The following KANK2 variants were observed in gnomAD, a reference collection of about 807,000 sequenced individuals.
KANK2 encodes KN motif and ankyrin repeat domain-containing protein 2.
A neutral mutation model predicts 74.6 loss-of-function variants in KANK2; 41 were observed. The observed-to-expected ratio is 0.55, with a 90% CI of 0.43 to 0.71. The LOEUF (loss-of-function observed/expected upper bound fraction) is 0.71, where lower values mean the gene tolerates loss of function less well. Among genes scored for constraint, KANK2 ranks in the 30% least tolerant of loss-of-function variants. The probability of loss-of-function intolerance (pLI) is 0.00; values close to 1 mark genes in which losing one functional copy is unlikely to be tolerated. For synonymous variants in KANK2, 537 were observed against 519.0 expected (o/e 1.03, Z -0.47); for missense variants, 1,148 against 1,196.4 (o/e 0.96, Z 0.60).
chr19:11,174,069 G>A (rs544894793), intron 9 of KANK2, among the ~76,000 whole-genome samples: 11 of 150,474 alleles, frequency 7.3e-5, no homozygotes, highest in African/African-American at 2.7e-4. Context: ...TCAGACTGGG[G>A]AGGCAGCATC....
chr19:11,176,860 AT>A (rs2078356769), intron 6 of KANK2, 43 bp from the exon 7 acceptor site: 1 of 1,484,200 alleles, frequency 6.7e-7, no homozygotes, highest in Non-Finnish European at 8.9e-7. Context: ...TGCAGGTGGG[AT>A]GAGAAATGGT....
rs761812391 is a variant in KANK2, at chr19:11,174,600, C to T, written c.1941G>A (p.Thr647=). ...HPELVRRHLV[T]FRAMSARLLD... ...GCAGCCGCGCAGACATGGCCCGGAA[C>T]GTGACCAGGTGCCGCCGCACCAGCT... The change falls in exon 9 of 13, where the codon ACG becomes ACA. Residue 647 remains threonine (T), a synonymous_variant. Coordinates refer to ENST00000586659, the MANE Select transcript of KANK2 (RefSeq NM_001136191.3). 3.9e-5 allele frequency: 63 copies of T among 1,612,912 alleles called. No homozygotes were observed. The highest frequency in any genetic ancestry group is 1.7e-4 in the Admixed American group (10 of 59,950).
In KANK2 at chr19:11,193,320, C is replaced by A. The variant is rs765252532; in HGVS notation, c.760G>T (p.Asp254Tyr). The A allele has an allele frequency of 9.9e-6, 16 of 1,612,672 alleles. No individual in the cohort carries two copies. The highest frequency in any genetic ancestry group is 1.4e-5 in the Non-Finnish European group (16 of 1,179,934). ...AGTGCCACTGGGTCCTCTGGGGGAT[C>A]GGGGAGGTCCAGGCAGAGCTCGCTG... ...GRSELCLDLP[D>Y]PPEDPVALET... The change falls in exon 4 of 13, where the codon GAT becomes TAT. Residue 254 changes from aspartate (D) to tyrosine (Y), a missense_variant. Coordinates refer to ENST00000586659, the MANE Select transcript of KANK2 (RefSeq NM_001136191.3). The surrounding 1 kb of genome is among the most constrained non-coding windows in gnomAD (Gnocchi z 9.6).
At chr19:11,184,212 CTGAT>C (rs2078610840) in intron 4 of KANK2, among the ~76,000 whole-genome samples, 11 of 150,218 alleles carry the variant, frequency 7.3e-5, no homozygotes, top group South Asian at 2.1e-4. Flanking sequence ...CCAGTCTCTA[CTGAT>C]AATACAAAAA....
intron 4 of KANK2, among the ~76,000 whole-genome samples, chr19:11,184,387 CA>C (rs1568649238): frequency 6.7e-6 from 1 of 149,880 alleles, no homozygotes; most frequent in Non-Finnish European, 1.5e-5. Context: ...AAAACAAAAA[CA>C]AAAACAAAAA....
intron 4 of KANK2, among the ~76,000 whole-genome samples, chr19:11,188,556 C>T (rs536918519): frequency 2.0e-5 from 3 of 149,326 alleles, no homozygotes; most frequent in Admixed American, 1.3e-4. Flanking sequence ...TGCGGTAGCT[C>T]ATTCCAGTTT....
chr19:11,191,404 G>A (rs1188464025), intron 4 of KANK2, among the ~76,000 whole-genome samples: 1 of 152,194 alleles, frequency 6.6e-6, no homozygotes, highest in Admixed American at 6.6e-5. Context: ...CCCAGCAGCT[G>A]ACATTCTGCA....
Position 11,183,859 on chromosome 19 carries a change from G to T in KANK2, c.1250-5139C>A, listed in dbSNP as rs144313769. Among the ~76,000 whole-genome samples, 27 of 152,018 alleles carry T rather than the reference G, an allele frequency of 1.8e-4. 1 individual carries two copies. The highest frequency in any genetic ancestry group is 1.0e-3 in the South Asian group (5 of 4,800). On this transcript the variant is annotated intron_variant, in intron 4 of 12. Transcript: ENST00000586659. ...GTAGAGATGGGGTTTCACTATGTTGGCAAGGCTGGTCTTGAACTCCTGGCC... is the reference window on the plus strand; with the variant it reads ...GTAGAGATGGGGTTTCACTATGTTGTCAAGGCTGGTCTTGAACTCCTGGCC...
intron 4 of KANK2, among the ~76,000 whole-genome samples, chr19:11,189,103 C>CT (rs1382499370): frequency 7.4e-6 from 1 of 134,238 alleles, no homozygotes. Context: ...TTCTCTCCCC[C>CT]CCCACCCCCG....
In KANK2 at chr19:11,177,174, C is replaced by G. The variant is rs181252348; in HGVS notation, c.1521-357G>C. ...ACAGTGGCACTCACTGCAAACTCTG[C>G]CTCCTGGGTTCAAGCAATTCTTCTG... On this transcript the variant is annotated intron_variant, in intron 6 of 12. Transcript: ENST00000586659. Among the ~76,000 whole-genome samples, 356 of 141,930 alleles carry G rather than the reference C, an allele frequency of 2.5e-3. 5 individuals carry two copies. Among genetic ancestry groups the G allele is most frequent in the African/African-American group, 9.3e-3 (350 of 37,810 alleles). The allele number at this position is 141,930 out of a possible 152,430, so 93.1% of individuals were successfully genotyped here. A position where few individuals can be genotyped will look rare whatever the true frequency, so the allele number is the denominator to read the frequency against.
chr19:11,174,844 G>A, intron 8 of KANK2, 152 bp from the exon 9 acceptor site: 3 of 651,814 alleles, frequency 4.6e-6, no homozygotes, highest in Non-Finnish European at 8.1e-6. Flanking sequence ...GGGAAGTGTA[G>A]ACATCTCTGT....
intron 4 of KANK2, among the ~76,000 whole-genome samples, chr19:11,187,765 A>AT (rs1298820595): frequency 6.6e-6 from 1 of 152,118 alleles, no homozygotes; most frequent in Non-Finnish European, 1.5e-5. Context: ...AAATATGTGC[A>AT]TTTTTTTGCA....
In KANK2 at chr19:11,164,646, A is replaced by C. The variant is rs2077979664; in HGVS notation, c.*1912T>G. The C allele has an allele frequency of 6.6e-6, 1 of 150,974 alleles. No homozygotes were observed. Among genetic ancestry groups the C allele is most frequent in the Non-Finnish European group, 1.5e-5 (1 of 67,650 alleles). 9.4% of individuals were successfully genotyped at this position (150,974 alleles called of 1,614,324 possible). On this transcript the variant is annotated 3_prime_UTR_variant, in exon 13 of 13. Coordinates refer to ENST00000586659, the MANE Select transcript of KANK2 (RefSeq NM_001136191.3). Reference sequence around the variant, plus strand: ...CTTCCCCCTCAGACACCCACAATTAATTGTTTCCAATCAGCTTTGGTTTTG... The same window carrying C: ...CTTCCCCCTCAGACACCCACAATTACTTGTTTCCAATCAGCTTTGGTTTTG...
intron 10 of KANK2, 87 bp downstream of exon 10, chr19:11,172,894 A>G (rs181846053): frequency 9.0e-6 from 13 of 1,448,092 alleles, no homozygotes; most frequent in Middle Eastern, 2.1e-4. Context: ...CTGGAGTTAG[A>G]CCACCTGGGT....
intron 4 of KANK2, among the ~76,000 whole-genome samples, chr19:11,182,840 CAAAAAA>C (rs36229477): frequency 0.025 from 1,555 of 62,964 alleles, 35 homozygotes; most frequent in African/African-American, 0.078. Flanking sequence ...CAGACTGCCT[CAAAAAA>C]AAAAAAAAAA....
intron 8 of KANK2, 111 bp from the exon 9 acceptor site, chr19:11,174,803 C>T (rs550512656): frequency 4.0e-5 from 34 of 843,590 alleles, no homozygotes; most frequent in African/African-American, 1.0e-4. Flanking sequence ...TCCTGGAAAA[C>T]GATCTCAAGG....
At chr19:11,182,377 G>C (rs1029673639) in intron 4 of KANK2, among the ~76,000 whole-genome samples, 35 of 151,912 alleles carry the variant, frequency 2.3e-4, no homozygotes, top group Middle Eastern at 3.4e-3. Context: ...AGTTAGCCAG[G>C]TGTGGTGGAG....
intron 7 of KANK2, 116 bp from the exon 8 acceptor site, chr19:11,176,105 A>C: frequency 3.4e-5 from 25 of 729,420 alleles, no homozygotes; most frequent in Non-Finnish European, 5.6e-5. Context: ...GTGGCATCTC[A>C]GACCCTCCTT....
intron 4 of KANK2, among the ~76,000 whole-genome samples, chr19:11,180,286 G>A (rs991631146): frequency 2.0e-5 from 3 of 152,056 alleles, no homozygotes; most frequent in Non-Finnish European, 4.4e-5. Context: ...TTTGTGACAG[G>A]GTCTTGTTAT....
Sources: allele counts gnomAD v4.1 joint callset (sites outside exome capture counted in the v4.1 genomes callset), GRCh38; gene constraint gnomAD v4.1.1; non-coding constraint Gnocchi (gnomAD v3.1); transcripts MANE v1.5; gene names NCBI Gene and HGNC (gene_info 2026-07-23, HGNC 2026-07-21).